The following ZFHX3 variants were observed in gnomAD, a reference collection of about 807,000 sequenced individuals.
ZFHX3 encodes the protein zinc finger homeobox protein 3.
A neutral mutation model predicts 279.1 loss-of-function variants in ZFHX3; 42 were observed. That is an observed-to-expected ratio of 0.15 (90% CI 0.12 to 0.19). The LOEUF is 0.19. Ranked by LOEUF, ZFHX3 falls within the 10% of genes least tolerant of loss-of-function variation. The pLI, the probability that ZFHX3 is intolerant of heterozygous loss-of-function variation, is 1.00. For missense variants in ZFHX3, 4,981 were observed against 4,754.0 expected (o/e 1.05, Z -1.40); for synonymous variants, 2,293 against 1,957.8 (o/e 1.17, Z -4.52).
intron 8 of ZFHX3, among the ~76,000 whole-genome samples, chr16:73,076,627 G>A (rs1285514253): frequency 6.6e-6 from 1 of 152,136 alleles, no homozygotes; most frequent in African/African-American, 2.4e-5. Flanking sequence ...TTCCTAAGCT[G>A]GGATAGAATT....
chr16:72,984,191 A>T (rs1479279689), intron 1 of ZFHX3, among the ~76,000 whole-genome samples: 3 of 152,208 alleles, frequency 2.0e-5, no homozygotes, highest in Non-Finnish European at 4.4e-5. Context: ...AAGAGGAATA[A>T]GCAAGCCACA....
At chr16:72,975,323 T>A (rs760361823) in intron 1 of ZFHX3, among the ~76,000 whole-genome samples, 1 of 152,126 alleles carries the variant, frequency 6.6e-6, no homozygotes, top group Non-Finnish European at 1.5e-5. Flanking sequence ...GCGCCTGTGA[T>A]CCCAGCTAAC....
intron 4 of ZFHX3, among the ~76,000 whole-genome samples, chr16:73,313,258 T>C (rs2078182476): frequency 6.6e-6 from 1 of 152,222 alleles, no homozygotes; most frequent in African/African-American, 2.4e-5. Context: ...GTGTAGCCTG[T>C]GGAACTATGA....
intron 2 of ZFHX3, among the ~76,000 whole-genome samples, chr16:73,501,870 G>C (rs571913617): frequency 1.1e-4 from 16 of 152,304 alleles, no homozygotes; most frequent in South Asian, 4.1e-4. Flanking sequence ...CGTCTGTAAG[G>C]GGGTGAGGAG....
chr16:72,950,507 C>T lies in ZFHX3; in HGVS notation c.3178G>A (p.Val1060Ile). 1 of 1,614,218 alleles carries T rather than the reference C, an allele frequency of 6.2e-7. No homozygotes were observed. The highest frequency in any genetic ancestry group is 1.3e-5 in the African/African-American group (1 of 75,062). ...AGGCTGGCCTCGTGCCTGGAGTTGA[C>T]CGTGTGCAGCCGCAGCTTCTCCAGG... ...NSLEKLRLHT[V>I]NSRHEASLKL... Residue 1060 changes from valine to isoleucine, a missense_variant, in exon 3 of 10, where the codon GTC becomes ATC. Physicochemically the swap from Val to Ile is conservative, Grantham distance 29 (BLOSUM62 3). This residue lies in a region of ZFHX3 where 1,751 missense variants were observed against 1,770.0 expected (regional missense o/e 0.99). Transcript: ENST00000268489.
At chr16:73,672,212 C>T (rs938940829) in intron 2 of ZFHX3, among the ~76,000 whole-genome samples, 11 of 152,110 alleles carry the variant, frequency 7.2e-5, no homozygotes, top group Non-Finnish European at 1.6e-4. Context: ...GAAGCATATT[C>T]CCATCTCAGA....
At chr16:73,759,692 T>G (rs1172210969) in intron 1 of ZFHX3, among the ~76,000 whole-genome samples, 2 of 152,168 alleles carry the variant, frequency 1.3e-5, no homozygotes, top group African/African-American at 2.4e-5. Flanking sequence ...ATGGGATCCT[T>G]GATTCTCATA....
At chr16:73,748,827 G>A (rs28495896) in intron 1 of ZFHX3, among the ~76,000 whole-genome samples, 7,974 of 151,652 alleles carry the variant, frequency 0.053, 711 homozygotes, top group African/African-American at 0.18. Flanking sequence ...TGCTCTTGTC[G>A]CCCAGGCTGG....
intron 2 of ZFHX3, among the ~76,000 whole-genome samples, chr16:73,590,103 T>G (rs1328514969): frequency 6.6e-6 from 1 of 152,172 alleles, no homozygotes; most frequent in Non-Finnish European, 1.5e-5. Context: ...ATGGGAATTT[T>G]GGGCATGGGA....
intron 2 of ZFHX3, among the ~76,000 whole-genome samples, chr16:73,562,194 A>G (rs937513282): frequency 1.3e-5 from 2 of 152,156 alleles, no homozygotes; most frequent in Non-Finnish European, 2.9e-5. Flanking sequence ...GATAGCACCT[A>G]CCCTAGGAAT....
chr16:73,075,192 T>C (rs1965873356), intron 8 of ZFHX3, among the ~76,000 whole-genome samples: 1 of 152,140 alleles, frequency 6.6e-6, no homozygotes, highest in African/African-American at 2.4e-5. Context: ...CTCATGCCTG[T>C]AATCACAGTG....
intron 3 of ZFHX3, among the ~76,000 whole-genome samples, chr16:73,359,235 C>T (rs1415153128): frequency 2.0e-5 from 3 of 148,690 alleles, no homozygotes; most frequent in African/African-American, 7.5e-5. Flanking sequence ...GAATGTTTCA[C>T]AGTGAAGATT....
chr16:73,716,641 ACACACACACGCATGCACG>A (rs2142233031), intron 1 of ZFHX3, among the ~76,000 whole-genome samples: 1 of 139,086 alleles, frequency 7.2e-6, no homozygotes, highest in African/African-American at 2.6e-5. Context: ...ACACACACAC[ACACACACACGCATGCACG>A]CACGCACAGA....
At chr16:73,418,503 A>G (rs1597327879) in intron 3 of ZFHX3, among the ~76,000 whole-genome samples, 1 of 152,232 alleles carries the variant, frequency 6.6e-6, no homozygotes, top group East Asian at 1.9e-4. Flanking sequence ...TCTGACAATG[A>G]AATGTGTTCT....
chr16:72,895,629 C>T (rs1239211156), intron 3 of ZFHX3, among the ~76,000 whole-genome samples: 1 of 152,170 alleles, frequency 6.6e-6, no homozygotes, highest in Admixed American at 6.5e-5. Context: ...CAAGAGCAGC[C>T]TGGGCAACAT....
chr16:72,787,390 G>A lies in ZFHX3; in HGVS notation c.10886C>T (p.Pro3629Leu), dbSNP rs1252486249. 1 of 1,604,996 alleles carries A rather than the reference G, an allele frequency of 6.2e-7. No individual in the cohort carries two copies. Among genetic ancestry groups the A allele is most frequent in the South Asian group, 1.1e-5 (1 of 90,578 alleles). The change falls in exon 10 of 10, where the codon CCC becomes CTC. Residue 3629 changes from proline to leucine, a missense_variant. Physicochemically the swap from Pro to Leu is moderately conservative, Grantham distance 98. Coordinates refer to ENST00000268489, the MANE Select transcript of ZFHX3 (RefSeq NM_006885.4). ...TGAGGAGAGAGGAGGAAAAGAAGGGGGCTTCGCTGCCGAAGCCCGGGAGAC... is the reference window on the plus strand; with the variant it reads ...TGAGGAGAGAGGAGGAAAAGAAGGGAGCTTCGCTGCCGAAGCCCGGGAGAC... The part of the protein sequence containing the change: ...QVVSRASAAK[P>L]PSFPPLSSSS...
At chr16:73,750,335 C>T (rs1402255583) in intron 1 of ZFHX3, among the ~76,000 whole-genome samples, 3 of 152,172 alleles carry the variant, frequency 2.0e-5, no homozygotes, top group Non-Finnish European at 2.9e-5. Context: ...AAAGACACTG[C>T]TTTACTCTAC....
chr16:73,349,166 G>A (rs1467132456), intron 3 of ZFHX3, among the ~76,000 whole-genome samples: 1 of 111,732 alleles, frequency 8.9e-6, no homozygotes. Context: ...CTAGACTTTT[G>A]TTCTGCCACA....
intron 3 of ZFHX3, among the ~76,000 whole-genome samples, chr16:72,936,268 C>T (rs891922049): frequency 6.6e-6 from 1 of 152,170 alleles, no homozygotes; most frequent in Non-Finnish European, 1.5e-5. Flanking sequence ...TAGCACAGGG[C>T]AGAAGCACGG....
Sources: gnomAD v4.1 joint callset for allele counts (sites outside exome capture counted in the v4.1 genomes callset) on GRCh38, gnomAD v4.1.1 for gene constraint, gnomAD v4.1.1 regional missense constraint, MANE v1.5 for transcripts, NCBI Gene and HGNC (gene_info 2026-07-23, HGNC 2026-07-21) for gene names.